The following ABCA13 variants were observed in gnomAD, a reference collection of about 807,000 sequenced individuals.
The protein encoded by ABCA13 is ATP binding cassette subfamily A member 13.
A neutral mutation model predicts 478.7 loss-of-function variants in ABCA13; 476 were observed. That is an observed-to-expected ratio of 0.99 (90% CI 0.92 to 1.07). The LOEUF is 1.07. Among genes scored for constraint, ABCA13 ranks in the 50% least tolerant of loss-of-function variants. The pLI, the probability that ABCA13 is intolerant of heterozygous loss-of-function variation, is 0.00. For synonymous variants in ABCA13, 2,252 were observed against 2,158.9 expected, an observed-to-expected ratio of 1.04 and a Z score of -1.20; for missense variants, 6,060 against 5,910.6, an observed-to-expected ratio of 1.03 and a Z score of -0.83.
At chr7:48,394,011 C>T (rs997345262) in intron 38 of ABCA13, among the ~76,000 whole-genome samples, 4 of 152,170 alleles carry the variant, frequency 2.6e-5, no homozygotes, top group African/African-American at 4.8e-5. Flanking sequence ...ACCCAACCCC[C>T]AGCTGTTCTC....
At chr7:48,181,156 G>A (rs1406058822) in intron 1 of ABCA13, among the ~76,000 whole-genome samples, 1 of 152,144 alleles carries the variant, frequency 6.6e-6, no homozygotes, top group East Asian at 1.9e-4. Flanking sequence ...TGTGGTCTGT[G>A]CTTGCAAACT....
chr7:48,482,717 T>A (rs1049658473), intron 46 of ABCA13, among the ~76,000 whole-genome samples: 1 of 152,278 alleles, frequency 6.6e-6, no homozygotes, highest in Admixed American at 6.5e-5. Flanking sequence ...ATAATGGATT[T>A]GTAGAGGGAA....
chr7:48,587,206 C>G lies in ABCA13; in HGVS notation c.14558C>G (p.Pro4853Arg). ...CACCTCGAAGCCCACGCGGACAAAC[C>G]TGTGGCCACCTACAGTGGGGGAACC... ...RLHLEAHADK[P>R]VATYSGGTKR... is the part of the protein sequence containing the mutation. The change falls in exon 57 of 62, where the codon CCT (proline) becomes CGT (arginine). Residue 4853 changes from proline to arginine, a missense_variant. Pro to Arg is a moderately radical substitution (Grantham distance 103, BLOSUM62 -2). Coordinates refer to ENST00000435803, the MANE Select transcript of ABCA13 (RefSeq NM_152701.5). 1 of 1,612,930 alleles carries G rather than the reference C, an allele frequency of 6.2e-7. No homozygotes were observed. The highest frequency in any genetic ancestry group is 8.5e-7 in the Non-Finnish European group (1 of 1,179,476).
rs1049685299 is a variant in ABCA13, at chr7:48,292,014, C to T, written c.8956-3686C>T. Among the ~76,000 whole-genome samples the T allele has an allele frequency of 2.6e-5, 4 of 152,188 alleles. No individual in the cohort carries two copies. In the East Asian group the frequency reaches 7.7e-4, roughly 29 times the overall value. Reference sequence around the variant, plus strand: ...TCTCCAGACCCTTTCTGTTCTCAGTCTGTGCTCACATGCTAGGGAATCTTA... The same window carrying T: ...TCTCCAGACCCTTTCTGTTCTCAGTTTGTGCTCACATGCTAGGGAATCTTA... On this transcript the variant is annotated intron_variant, in intron 20 of 61. Transcript: ENST00000435803.
chr7:48,303,855 T>A (rs905020156), intron 23 of ABCA13, among the ~76,000 whole-genome samples: 4 of 152,192 alleles, frequency 2.6e-5, no homozygotes, highest in African/African-American at 9.7e-5. Context: ...TATATTTTCA[T>A]CCAAGTCGTT....
At chr7:48,477,450 T>C (rs1828235686) in intron 45 of ABCA13, among the ~76,000 whole-genome samples, 1 of 151,994 alleles carries the variant, frequency 6.6e-6, no homozygotes, top group South Asian at 2.1e-4. Context: ...CGTATGTTTA[T>C]TGCAGCACTA....
chr7:48,284,558 G>A (rs1275088425), intron 19 of ABCA13, among the ~76,000 whole-genome samples: 2 of 152,106 alleles, frequency 1.3e-5, no homozygotes, highest in East Asian at 3.9e-4. Flanking sequence ...AGCCACGTTT[G>A]AAGACACAAT....
chr7:48,254,622 A>C (rs1479363822), intron 15 of ABCA13, among the ~76,000 whole-genome samples: 2 of 151,844 alleles, frequency 1.3e-5, no homozygotes, highest in African/African-American at 4.8e-5. Context: ...TTTCCTCCAG[A>C]GGTGCTTTAG....
At chr7:48,227,073 A>G (rs1788319976) in intron 5 of ABCA13, among the ~76,000 whole-genome samples, 189 bp from the exon 6 acceptor site, 1 of 152,012 alleles carries the variant, frequency 6.6e-6, no homozygotes, top group South Asian at 2.1e-4. Flanking sequence ...AAATCCTCCA[A>G]CTGCACAGAA....
At chr7:48,619,821 G>T (rs1792958674) in intron 59 of ABCA13, among the ~76,000 whole-genome samples, 1 of 152,164 alleles carries the variant, frequency 6.6e-6, no homozygotes, top group Non-Finnish European at 1.5e-5. Context: ...CAGCAAGACA[G>T]GTAGACCTCT....
intron 32 of ABCA13, among the ~76,000 whole-genome samples, chr7:48,369,517 G>A (rs1283335108): frequency 6.6e-6 from 1 of 152,042 alleles, no homozygotes; most frequent in Admixed American, 6.6e-5. Flanking sequence ...GACTCGTTAT[G>A]GTCTCAGGGC....
chr7:48,354,765 TG>T (rs1452380169), intron 31 of ABCA13, among the ~76,000 whole-genome samples: 2 of 152,048 alleles, frequency 1.3e-5, no homozygotes, highest in Non-Finnish European at 2.9e-5. Context: ...TTTTATCTCT[TG>T]TTTCGAAGTC....
At chr7:48,330,827 A>G (rs1805276152) in intron 27 of ABCA13, among the ~76,000 whole-genome samples, 1 of 152,202 alleles carries the variant, frequency 6.6e-6, no homozygotes, top group Non-Finnish European at 1.5e-5. Context: ...CCATTCATTC[A>G]TCCATTTATC....
At chr7:48,185,676 G>T (rs1225756397) in intron 1 of ABCA13, among the ~76,000 whole-genome samples, 1 of 151,980 alleles carries the variant, frequency 6.6e-6, no homozygotes, top group Non-Finnish European at 1.5e-5. Context: ...ATTTCCCCCA[G>T]ATGCTTTATC....
rs145747885 is a variant in ABCA13, at chr7:48,381,948, G to A, written c.11335+5376G>A. 6.1e-4 allele frequency among the ~76,000 whole-genome samples: 93 copies of A among 152,342 alleles called. 1 individual carries two copies. The East Asian group carries it at 0.017, about 28-fold the overall frequency. On this transcript the variant is annotated intron_variant, in intron 35 of 61. Coordinates refer to ENST00000435803, the MANE Select transcript of ABCA13 (RefSeq NM_152701.5). Reference sequence around the variant, plus strand: ...AGCCAAAGAGCTGAGCGGCTTCCACGCCAGCTTGCATTTGGCAGCTCTCTG... The same window carrying A: ...AGCCAAAGAGCTGAGCGGCTTCCACACCAGCTTGCATTTGGCAGCTCTCTG...
chr7:48,463,560 G>A (rs1585432621), intron 43 of ABCA13, among the ~76,000 whole-genome samples: 1 of 152,160 alleles, frequency 6.6e-6, no homozygotes, highest in East Asian at 1.9e-4. Flanking sequence ...CTCTGCTCCT[G>A]TTCTTCACAT....
rs1829618084 is a variant in ABCA13, at chr7:48,489,181, A to G, written c.13183-55A>G. On this transcript the variant is annotated intron_variant, in intron 47 of 61. Coordinates refer to ENST00000435803, the MANE Select transcript of ABCA13 (RefSeq NM_152701.5). ...TCCTTAAATCCCAGAATAGTTGACAAACAGACTTACGAGCTAATTTCGTGA... is the reference window on the plus strand; with the variant it reads ...TCCTTAAATCCCAGAATAGTTGACAGACAGACTTACGAGCTAATTTCGTGA... 1.3e-5 allele frequency: 19 copies of G among 1,425,394 alleles called. No individual in the cohort carries two copies. In the South Asian group the frequency reaches 2.0e-4, roughly 15 times the overall value. 88.3% of individuals were successfully genotyped at this position (1,425,394 alleles called of 1,614,324 possible). A position where few individuals can be genotyped will look rare whatever the true frequency, so the allele number is the denominator to read the frequency against.
At chr7:48,411,002 T>TCTTC (rs1491506791) in intron 40 of ABCA13, among the ~76,000 whole-genome samples, 2 of 109,598 alleles carry the variant, frequency 1.8e-5, no homozygotes, top group Non-Finnish European at 3.9e-5. Flanking sequence ...TTTCTTTCTT[T>TCTTC]CTTTCTTTCT....
intron 58 of ABCA13, among the ~76,000 whole-genome samples, chr7:48,614,941 C>T (rs1022596761): frequency 3.4e-5 from 5 of 148,122 alleles, no homozygotes; most frequent in Admixed American, 1.4e-4. Flanking sequence ...TGCTAAGTGA[C>T]GAGTTAATGG....
Sources: allele counts gnomAD v4.1 joint callset (sites outside exome capture counted in the v4.1 genomes callset), GRCh38; gene constraint gnomAD v4.1.1; transcripts MANE v1.5; gene names NCBI Gene and HGNC (gene_info 2026-07-23, HGNC 2026-07-21).